The following RELN variants were observed in gnomAD, a reference collection of about 807,000 sequenced individuals.
RELN encodes the protein reelin.
A neutral mutation model predicts 427.6 loss-of-function variants in RELN; 108 were observed. The observed-to-expected ratio is 0.25, with a 90% CI of 0.22 to 0.30. The LOEUF is 0.30. Ranked by LOEUF, RELN falls within the 10% of genes least tolerant of loss-of-function variation. RELN has a pLI of 1.00. For synonymous variants in RELN, 1,524 were observed against 1,513.4 expected, an observed-to-expected ratio of 1.01 and a Z score of -0.16; for missense variants, 3,715 against 4,302.8, an observed-to-expected ratio of 0.86 and a Z score of 3.82.
intron 3 of RELN, among the ~76,000 whole-genome samples, chr7:103,780,772 T>A (rs28557041): frequency 0.31 from 46,874 of 152,030 alleles, 7,314 homozygotes; most frequent in East Asian, 0.44. Context: ...ATGGTATATA[T>A]GTATCATATT....
At chr7:103,635,068 C>T (rs1832549013) in intron 19 of RELN, among the ~76,000 whole-genome samples, 1 of 152,030 alleles carries the variant, frequency 6.6e-6, no homozygotes, top group Non-Finnish European at 1.5e-5. Context: ...ACCATGTTGA[C>T]CAGGATGGTC....
intron 8 of RELN, among the ~76,000 whole-genome samples, chr7:103,710,694 CCTTT>C (rs1385301161): frequency 2.0e-5 from 3 of 152,132 alleles, no homozygotes; most frequent in Non-Finnish European, 2.9e-5. Flanking sequence ...GGCAGAATAC[CCTTT>C]CTATTATTTC....
intron 2 of RELN, among the ~76,000 whole-genome samples, chr7:103,863,503 G>C (rs1794120905): frequency 6.6e-6 from 1 of 152,136 alleles, no homozygotes. Flanking sequence ...TCCCTGCAAT[G>C]GGAGTAGTTT....
At chr7:103,779,924 C>T (rs773862473) in intron 3 of RELN, among the ~76,000 whole-genome samples, 10 of 152,180 alleles carry the variant, frequency 6.6e-5, no homozygotes, top group Non-Finnish European at 1.5e-4. Context: ...AACAGGGTTT[C>T]ACCATGTTGG....
chr7:103,966,776 AC>A (rs1317030816), intron 1 of RELN, among the ~76,000 whole-genome samples: 1 of 152,216 alleles, frequency 6.6e-6, no homozygotes, highest in East Asian at 1.9e-4. Flanking sequence ...ATTTTGGAAC[AC>A]TAGTTATCTT....
chr7:103,890,022 T>C (rs1304945644), intron 2 of RELN, among the ~76,000 whole-genome samples: 1 of 152,122 alleles, frequency 6.6e-6, no homozygotes, highest in Non-Finnish European at 1.5e-5. Flanking sequence ...TTTTTGTTAA[T>C]GCACCCCTCC....
At chr7:103,777,689 G>A (rs1584485399) in intron 3 of RELN, among the ~76,000 whole-genome samples, 2 of 152,088 alleles carry the variant, frequency 1.3e-5, no homozygotes, top group Admixed American at 6.6e-5. Flanking sequence ...TCTGGCCCAC[G>A]TGTGGATGCA....
intron 4 of RELN, among the ~76,000 whole-genome samples, chr7:103,755,739 T>G (rs11976933): frequency 8.4e-6 from 1 of 119,258 alleles, no homozygotes; most frequent in Non-Finnish European, 1.8e-5. Flanking sequence ...TGGCGTGAAC[T>G]TGGGAAGCGG....
intron 60 of RELN, among the ~76,000 whole-genome samples, chr7:103,487,121 C>G (rs1163938957): frequency 2.0e-5 from 3 of 152,102 alleles, no homozygotes; most frequent in South Asian, 4.2e-4. Flanking sequence ...ATGGATGAAG[C>G]TGGAAACCAT....
intron 1 of RELN, among the ~76,000 whole-genome samples, chr7:103,928,357 C>T (rs959151561): frequency 1.3e-5 from 2 of 152,174 alleles, no homozygotes; most frequent in Admixed American, 6.5e-5. Context: ...ATAACCAAAA[C>T]TTTCAATCAC....
At chr7:103,672,985 T>C (rs1034274612) in intron 11 of RELN, among the ~76,000 whole-genome samples, 1 of 152,092 alleles carries the variant, frequency 6.6e-6, no homozygotes, top group African/African-American at 2.4e-5. Flanking sequence ...GGTATATTAG[T>C]TCCTCTTTGA....
intron 28 of RELN, among the ~76,000 whole-genome samples, chr7:103,578,814 T>G (rs1386124697): frequency 1.3e-5 from 2 of 152,226 alleles, no homozygotes; most frequent in Non-Finnish European, 2.9e-5. Flanking sequence ...AGATACAGCC[T>G]TGCAATTGTT....
rs763565284 is a variant in RELN, at chr7:103,522,179, C to T, written c.7511G>A (p.Gly2504Asp). The change falls in exon 48 of 65, where the codon GGC becomes GAC. Residue 2504 changes from glycine (G) to aspartate (D), a missense_variant. This residue lies in a region of RELN where 1,310 missense variants were observed against 1,643.0 expected (regional missense o/e 0.80). Transcript: ENST00000428762. Reference sequence around the variant, plus strand: ...GGTCTCGGGGTCATCACAGTACAGGCCACCCCACTGTTCATCACAGCTGGG... The same window carrying T: ...GGTCTCGGGGTCATCACAGTACAGGTCACCCCACTGTTCATCACAGCTGGG... The part of the protein sequence containing the change: ...GNCVCDEQWG[G>D]LYCDDPETSL... 1.4e-5 allele frequency: 22 copies of T among 1,613,920 alleles called. No homozygotes were observed. In the South Asian group the frequency reaches 2.4e-4, roughly 18 times the overall value.
intron 47 of RELN, 119 bp downstream of exon 47, chr7:103,523,272 G>A: frequency 8.5e-7 from 1 of 1,174,690 alleles, no homozygotes; most frequent in Non-Finnish European, 1.2e-6. Context: ...TCATATTTCA[G>A]AAAAAAATGT....
rs1162034311 is a variant in RELN at position 103,472,703 on chromosome 7, C to T, written c.*109G>A. 2.6e-5 allele frequency: 23 copies of T among 889,600 alleles called. 1 individual carries two copies. The highest frequency in any genetic ancestry group is 2.4e-4 in the South Asian group (17 of 70,704). The allele number at this position is 889,600 out of a possible 1,614,324, so 55.1% of individuals were successfully genotyped here. A position where few individuals can be genotyped will look rare whatever the true frequency, so the allele number is the denominator to read the frequency against. ...GTCTTGAGAAGGGCTTTCAGGTAAT[C>T]ACCAAGTCCTTCACAGATATTTCCT... On this transcript the variant is annotated 3_prime_UTR_variant, in exon 65 of 65. Transcript: ENST00000428762.
intron 3 of RELN, among the ~76,000 whole-genome samples, chr7:103,828,721 C>T (rs566736145): frequency 6.6e-6 from 1 of 151,910 alleles, no homozygotes; most frequent in African/African-American, 2.4e-5. Flanking sequence ...AAGATCAAAC[C>T]CATGTTCATC....
chr7:103,714,935 T>C (rs1789900860), intron 8 of RELN, among the ~76,000 whole-genome samples: 1 of 152,198 alleles, frequency 6.6e-6, no homozygotes, highest in African/African-American at 2.4e-5. Context: ...TTAATTTTGG[T>C]AAAATATGGT....
rs143164063 is a variant in RELN, at chr7:103,914,453, G to T, written c.337+2622C>A. Among the ~76,000 whole-genome samples, 25 of 152,122 alleles carry T rather than the reference G, an allele frequency of 1.6e-4. No homozygotes were observed. In the East Asian group the frequency reaches 3.3e-3, roughly 20 times the overall value. ...CCAGATTAATTACATTTCAGAACTG[G>T]TTTTTTCTTTTTTTGCTCCCCCTAT... On this transcript the variant is annotated intron_variant, in intron 2 of 64. Coordinates refer to ENST00000428762, the MANE Select transcript of RELN (RefSeq NM_005045.4).
intron 7 of RELN, among the ~76,000 whole-genome samples, chr7:103,727,402 A>G (rs997519271): frequency 2.6e-5 from 4 of 152,180 alleles, no homozygotes; most frequent in African/African-American, 4.8e-5. Flanking sequence ...ATTATTTTCC[A>G]GAAGGTAAAA....
Sources: allele counts gnomAD v4.1 joint callset (sites outside exome capture counted in the v4.1 genomes callset), GRCh38; gene constraint gnomAD v4.1.1; regional missense constraint gnomAD v4.1.1; transcripts MANE v1.5; gene names NCBI Gene and HGNC (gene_info 2026-07-23, HGNC 2026-07-21).